PPARGC1A: variants seen among roughly 807,000 people sequenced by gnomAD.
The protein encoded by PPARGC1A is PPARG coactivator 1 alpha.
In PPARGC1A, 25 loss-of-function variants were observed where a neutral mutation model predicts 88.7. The ratio of observed to expected loss-of-function variants is 0.28; its 90% confidence interval spans 0.21 to 0.39. PPARGC1A has a LOEUF of 0.39. Among genes scored for constraint, PPARGC1A ranks in the 10% least tolerant of loss-of-function variants. The probability of loss-of-function intolerance (pLI) is 1.00; values close to 1 mark genes in which losing one functional copy is unlikely to be tolerated. For synonymous variants in PPARGC1A, 363 were observed against 355.6 expected, an observed-to-expected ratio of 1.02 and a Z score of -0.24; for missense variants, 880 against 968.7, an observed-to-expected ratio of 0.91 and a Z score of 1.22.
chr4:24,407,728 T>C, the PPARGC1A span, among the ~76,000 whole-genome samples: 6 of 152,234 alleles, frequency 3.9e-5, no homozygotes, highest in African/African-American at 9.6e-5. Context: ...GGTCTGAGCC[T>C]CAGTCTCTTC....
the PPARGC1A span, among the ~76,000 whole-genome samples, chr4:24,019,327 A>C: frequency 6.6e-6 from 1 of 151,968 alleles, no homozygotes; most frequent in African/African-American, 2.4e-5. Context: ...TTCTGGCTAA[A>C]CACTTTCATA....
chr4:24,244,724 T>C, the PPARGC1A span, among the ~76,000 whole-genome samples: 1 of 152,198 alleles, frequency 6.6e-6, no homozygotes, highest in Non-Finnish European at 1.5e-5. Flanking sequence ...GCTACCAGCA[T>C]CTAGTGAATA....
Position 23,806,193 on chromosome 4 carries a change from T to C in PPARGC1A, c.2020-3848A>G, listed in dbSNP as rs555216691. On this transcript the variant is annotated intron_variant, in intron 10 of 12. Transcript: ENST00000264867. Reference sequence around the variant, plus strand: ...TTACAAAGATCAGAGATTGAATACATGTTGAAAGGCTTATTTGAGAAAATT... The same window carrying C: ...TTACAAAGATCAGAGATTGAATACACGTTGAAAGGCTTATTTGAGAAAATT... 2.6e-5 allele frequency among the ~76,000 whole-genome samples: 4 copies of C among 152,304 alleles called. No homozygotes were observed. In the East Asian group the frequency reaches 7.7e-4, roughly 29 times the overall value.
At chr4:23,998,740 C>T in the PPARGC1A span, among the ~76,000 whole-genome samples, 1 of 152,094 alleles carries the variant, frequency 6.6e-6, no homozygotes, top group African/African-American at 2.4e-5. Context: ...TTATTGACTT[C>T]CTAGGGAGAA....
At chr4:24,084,263 C>T in the PPARGC1A span, among the ~76,000 whole-genome samples, 1 of 152,124 alleles carries the variant, frequency 6.6e-6, no homozygotes, top group East Asian at 1.9e-4. Flanking sequence ...AAGTTCTAGG[C>T]TATAGAAGTT....
chr4:23,858,780 G>A (rs770122062), intron 2 of PPARGC1A, among the ~76,000 whole-genome samples: 16 of 152,090 alleles, frequency 1.1e-4, no homozygotes, highest in South Asian at 2.1e-4. Context: ...CTCTTAACTC[G>A]GAGACTCAGT....
chr4:24,016,187 T>C, the PPARGC1A span, among the ~76,000 whole-genome samples: 13 of 152,128 alleles, frequency 8.5e-5, no homozygotes, highest in Admixed American at 8.5e-4. Context: ...CTGTTGGAAA[T>C]AAGAATTAGA....
chr4:24,401,876 A>G, the PPARGC1A span, among the ~76,000 whole-genome samples: 1 of 152,214 alleles, frequency 6.6e-6, no homozygotes, highest in African/African-American at 2.4e-5. Context: ...AGTCTTGGCT[A>G]TTATTTACTT....
chr4:24,130,270 T>G, the PPARGC1A span, among the ~76,000 whole-genome samples: 1 of 152,182 alleles, frequency 6.6e-6, no homozygotes, highest in African/African-American at 2.4e-5. Context: ...GTACTGTTTT[T>G]ATATCTCCAT....
intron 12 of PPARGC1A, among the ~76,000 whole-genome samples, chr4:23,797,440 C>A (rs1292245554): frequency 1.3e-5 from 2 of 152,092 alleles, no homozygotes; most frequent in African/African-American, 4.8e-5. Flanking sequence ...AGGGAAGATT[C>A]CCCCAGTGAT....
At chr4:24,443,774 T>G in the PPARGC1A span, among the ~76,000 whole-genome samples, 1 of 148,698 alleles carries the variant, frequency 6.7e-6, no homozygotes, top group South Asian at 2.1e-4. Flanking sequence ...CAGGCTGGTC[T>G]CGAACTCCTG....
chr4:24,109,294 A>ATT, the PPARGC1A span, among the ~76,000 whole-genome samples: 1 of 115,974 alleles, frequency 8.6e-6, no homozygotes, highest in African/African-American at 3.6e-5. Flanking sequence ...ACACCATTTC[A>ATT]TTATACACAC....
At chr4:24,365,472 C>G in the PPARGC1A span, among the ~76,000 whole-genome samples, 9 of 152,270 alleles carry the variant, frequency 5.9e-5, no homozygotes, top group African/African-American at 2.2e-4. Context: ...ATCTACCCAG[C>G]AATATACAGA....
At chr4:24,126,267 C>CCACACACACACACACACACACACACACA in the PPARGC1A span, among the ~76,000 whole-genome samples, 30 of 146,540 alleles carry the variant, frequency 2.0e-4, no homozygotes, top group African/African-American at 7.3e-4. Context: ...TGGCTTCTCA[C>CCACACACACACACACACACACACACACA]CACACACACA....
At position 23,866,754 on chromosome 4, in the gene PPARGC1A, G is replaced by C. The variant is rs540113502; in HGVS notation, c.234+17998C>G. ...GATAACTGTAATACGTTTCCATTTT[G>C]GGTCATTTCAGAGCTTTTTTTTTTA... On this transcript the variant is annotated intron_variant, in intron 2 of 12. Transcript: ENST00000264867. Among the ~76,000 whole-genome samples, 14 of 152,168 alleles carry C rather than the reference G, an allele frequency of 9.2e-5. No individual in the cohort carries two copies. In the South Asian group the frequency reaches 2.9e-3, roughly 32 times the overall value.
At chr4:23,985,970 G>A in the PPARGC1A span, among the ~76,000 whole-genome samples, 1 of 152,066 alleles carries the variant, frequency 6.6e-6, no homozygotes, top group East Asian at 1.9e-4. Flanking sequence ...GTCTGACCTT[G>A]GACAATGACC....
intron 7 of PPARGC1A, among the ~76,000 whole-genome samples, chr4:23,821,915 G>A (rs566846566): frequency 3.0e-4 from 45 of 152,070 alleles, no homozygotes; most frequent in African/African-American, 8.9e-4. Context: ...TTAAAATCAC[G>A]ATATACTACT....
chr4:23,895,314 TTTTTTCTTTTTC>T (rs547962163), intron 1 of PPARGC1A, among the ~76,000 whole-genome samples: 2 of 151,538 alleles, frequency 1.3e-5, no homozygotes, highest in Non-Finnish European at 2.9e-5. Flanking sequence ...ATATATATAT[TTTTTTCTTTTTC>T]TTTTTCTTTT....
chr4:24,203,671 T>G, the PPARGC1A span, among the ~76,000 whole-genome samples: 3 of 152,240 alleles, frequency 2.0e-5, no homozygotes, highest in Non-Finnish European at 4.4e-5. Context: ...AATCCATCCT[T>G]TTGCCTGCAG....
Sources: allele counts gnomAD v4.1 joint callset (sites outside exome capture counted in the v4.1 genomes callset), GRCh38; gene constraint gnomAD v4.1.1; transcripts MANE v1.5; gene names NCBI Gene and HGNC (gene_info 2026-07-23, HGNC 2026-07-21).